CIB1: variants seen among roughly 807,000 people sequenced by gnomAD.
The protein encoded by CIB1 is calcium and integrin binding 1, also known as calcium and integrin-binding protein 1.
In CIB1, 19 loss-of-function variants were observed where a neutral mutation model predicts 25.0. The observed-to-expected ratio is 0.76, with a 90% confidence interval of 0.53 to 1.12. CIB1 has a LOEUF of 1.12. Among genes scored for constraint, CIB1 ranks in the 50% most tolerant of loss-of-function variants. The pLI, the probability that CIB1 is intolerant of heterozygous loss-of-function variation, is 0.00. For synonymous variants in CIB1, 104 were observed against 98.5 expected, an observed-to-expected ratio of 1.06 and a Z score of -0.33; for missense variants, 236 against 242.6, an observed-to-expected ratio of 0.97 and a Z score of 0.18.
upstream of CIB1, chr15:90,234,055 G>T: frequency 5.3e-6 from 4 of 754,212 alleles, no homozygotes; most frequent in South Asian, 9.0e-5. Flanking sequence ...GCCGGGTTTG[G>T]CAGGCGAGCT....
At chr15:90,257,760 C>T in the CIB1 span, 7 of 1,593,152 alleles carry the variant, frequency 4.4e-6, no homozygotes, top group African/African-American at 6.7e-5. Context: ...TCCTCTGCCC[C>T]TTAGCCCCAC....
chr15:90,251,905 C>T, the CIB1 span, among the ~76,000 whole-genome samples: 2 of 151,864 alleles, frequency 1.3e-5, no homozygotes, highest in South Asian at 2.1e-4. Context: ...GACAGAGTCT[C>T]GCTTTGTCAT....
the CIB1 span, among the ~76,000 whole-genome samples, chr15:90,254,200 TTTA>T: frequency 1.9e-5 from 2 of 106,968 alleles, no homozygotes; most frequent in African/African-American, 8.8e-5. Flanking sequence ...TTTTTTTTTT[TTTA>T]AAAAAAAAAG....
intron 4 of CIB1, 36 bp downstream of exon 4, chr15:90,231,319 AAG>A: frequency 6.2e-7 from 1 of 1,609,610 alleles, no homozygotes; most frequent in Non-Finnish European, 8.5e-7. Flanking sequence ...CCCACGTGGG[AAG>A]GGGTGGTGTC....
At chr15:90,255,995 A>G in the CIB1 span, 23 of 1,573,812 alleles carry the variant, frequency 1.5e-5, no homozygotes, top group Middle Eastern at 1.8e-4. Flanking sequence ...AAGTGGAATG[A>G]GAAAGTTTCA....
the CIB1 span, chr15:90,241,698 C>A: frequency 0.15 from 243,592 of 1,613,976 alleles, 19,815 homozygotes; most frequent in African/African-American, 0.22. Flanking sequence ...TGGGCCAGGG[C>A]CTGACTTGGA....
the CIB1 span, among the ~76,000 whole-genome samples, chr15:90,252,036 C>A: frequency 8.9e-6 from 1 of 112,252 alleles, no homozygotes; most frequent in Non-Finnish European, 1.9e-5. Context: ...ACTATGCTCA[C>A]CTAATTCTTT....
chr15:90,253,254 C>G, the CIB1 span: 3 of 1,613,460 alleles, frequency 1.9e-6, no homozygotes, highest in Non-Finnish European at 2.5e-6. Flanking sequence ...TGCAGTGCGT[C>G]GGGCAGCCCA....
At chr15:90,242,823 A>G in the CIB1 span, 2 of 152,100 alleles carry the variant, frequency 1.3e-5, no homozygotes, top group African/African-American at 4.8e-5. Context: ...ATTTATTTTC[A>G]TGGCTGCCTT....
the CIB1 span, chr15:90,258,318 T>C: frequency 6.6e-7 from 1 of 1,509,894 alleles, no homozygotes; most frequent in South Asian, 1.1e-5. Context: ...AGAGGCCTCC[T>C]TGAATAGGAC....
chr15:90,263,029 C>T, the CIB1 span: 28 of 1,535,926 alleles, frequency 1.8e-5, no homozygotes, highest in East Asian at 4.2e-4. Flanking sequence ...GGAGCTGGAG[C>T]GGATGAAGGC....
intron 1 of CIB1, 31 bp from the exon 2 acceptor site, chr15:90,233,734 G>T: frequency 6.4e-7 from 1 of 1,561,186 alleles, no homozygotes; most frequent in Non-Finnish European, 8.7e-7. Context: ...GGGGATTAGC[G>T]GACCGCTGGG....
chr15:90,252,331 C>A, the CIB1 span, among the ~76,000 whole-genome samples: 893 of 152,144 alleles, frequency 5.9e-3, 7 homozygotes, highest in African/African-American at 0.021. Flanking sequence ...GCCACCATGC[C>A]CAGCCTGCCC....
the CIB1 span, chr15:90,255,845 G>C: frequency 6.2e-7 from 1 of 1,614,178 alleles, no homozygotes; most frequent in South Asian, 1.1e-5. Context: ...CTATCCCTCT[G>C]AGTACAACAT....
At chr15:90,256,091 G>C in the CIB1 span, 1 of 1,600,992 alleles carries the variant, frequency 6.2e-7, no homozygotes, top group Non-Finnish European at 8.5e-7. Context: ...GCGGCCCCGG[G>C]AAAGCCTTGA....
the CIB1 span, chr15:90,241,815 TCCTCAGC>T: frequency 6.2e-7 from 1 of 1,614,214 alleles, no homozygotes; most frequent in Admixed American, 1.7e-5. Context: ...GACATCACCT[TCCTCAGC>T]CCTCACAGGG....
the CIB1 span, chr15:90,263,049 A>G: frequency 2.0e-6 from 3 of 1,536,120 alleles, no homozygotes; most frequent in South Asian, 3.6e-5. Context: ...CCCTGCTACA[A>G]AGGGAGACTC....
intron 2 of CIB1, 85 bp downstream of exon 2, chr15:90,233,584 C>G: frequency 6.7e-7 from 1 of 1,502,610 alleles, no homozygotes; most frequent in South Asian, 1.2e-5. Context: ...CTCAGGCCAG[C>G]CCCCGCCCCT....
chr15:90,230,359 T>C lies in CIB1; in HGVS notation c.*125A>G. The C allele has an allele frequency of 8.6e-7, 1 of 1,160,226 alleles. No homozygotes were observed. The highest frequency in any genetic ancestry group is 1.2e-6 in the Non-Finnish European group (1 of 801,166). 71.9% of individuals were successfully genotyped at this position (1,160,226 alleles called of 1,614,324 possible). On this transcript the variant is annotated 3_prime_UTR_variant, in exon 7 of 7. Transcript: ENST00000328649. ...GGGCCGCCCCTGCCCGGGGTGAGGC[T>C]GCACAGCGCCAGCTCCAGGCTGGGC...
Sources: allele counts gnomAD v4.1 joint callset (sites outside exome capture counted in the v4.1 genomes callset), GRCh38; gene constraint gnomAD v4.1.1; transcripts MANE v1.5; gene names NCBI Gene and HGNC (gene_info 2026-07-23, HGNC 2026-07-21).